Variants in CCDC25 observed in about 807,000 individuals in gnomAD.
The protein encoded by CCDC25 is coiled-coil domain-containing protein 25.
Under a neutral mutation model 35.3 loss-of-function variants are expected in CCDC25, and 16 were observed. The ratio of observed to expected loss-of-function variants is 0.45; its 90% CI spans 0.31 to 0.69. The LOEUF (loss-of-function observed/expected upper bound fraction) is 0.69. Among genes scored for constraint, CCDC25 ranks in the 30% least tolerant of loss-of-function variants. The probability of loss-of-function intolerance (pLI) is 0.06; values close to 1 mark genes in which losing one functional copy is unlikely to be tolerated. For missense variants in CCDC25, 179 were observed against 250.7 expected (o/e 0.71, Z 1.93); for synonymous variants, 79 against 80.3 (o/e 0.98, Z 0.09).
At chr8:27,768,748 C>A (rs1017183221) in intron 1 of CCDC25, among the ~76,000 whole-genome samples, 29 of 152,156 alleles carry the variant, frequency 1.9e-4, no homozygotes, top group African/African-American at 7.0e-4. Flanking sequence ...TTGGAAGACA[C>A]TTGACTTACG....
intron 8 of CCDC25, among the ~76,000 whole-genome samples, chr8:27,740,251 A>C (rs751397455): frequency 1.2e-4 from 19 of 152,214 alleles, no homozygotes; most frequent in Non-Finnish European, 2.8e-4. Context: ...AAGCTCTGAC[A>C]ATCTCTTTCC....
At chr8:27,751,790 C>A (rs534161412) in intron 5 of CCDC25, among the ~76,000 whole-genome samples, 8 of 152,288 alleles carry the variant, frequency 5.3e-5, no homozygotes, top group Non-Finnish European at 1.2e-4. Context: ...CCCTTCATGA[C>A]TATGAGATGA....
At chr8:27,745,070 A>G (rs1020573456) in intron 7 of CCDC25, among the ~76,000 whole-genome samples, 5 of 152,124 alleles carry the variant, frequency 3.3e-5, no homozygotes, top group African/African-American at 1.2e-4. Context: ...CAGTGAGCTC[A>G]CTGCAGCCTC....
chr8:27,772,362 C>A (rs1482892135), intron 1 of CCDC25, 151 bp downstream of exon 1: 4 of 723,340 alleles, frequency 5.5e-6, no homozygotes, highest in Non-Finnish European at 9.5e-6. Flanking sequence ...GTGGGAGGGA[C>A]GGATGTGCTG....
At chr8:27,759,873 G>C (rs4538825) in intron 3 of CCDC25, among the ~76,000 whole-genome samples, 66,539 of 151,478 alleles carry the variant, frequency 0.44, 15,087 homozygotes, top group Middle Eastern at 0.51. Context: ...GGTTTTCCGG[G>C]ATAAATCCAG....
rs749882415 is a variant in CCDC25, at chr8:27,736,207, T to C, written c.*9A>G. On this transcript the variant is annotated 3_prime_UTR_variant, in exon 9 of 9. Coordinates refer to ENST00000356537, the MANE Select transcript of CCDC25 (RefSeq NM_018246.3). ...CATCTTTCAAAGGTCCTTTTCTCCT[T>C]TTCTCCTTTTACATGAATTCATCTG... The C allele has an allele frequency of 1.2e-6, 2 of 1,608,964 alleles. No individual in the cohort carries two copies. The highest frequency in any genetic ancestry group is 1.7e-6 in the Non-Finnish European group (2 of 1,178,170).
rs1187940435 is a variant in CCDC25 at position 27,735,404 on chromosome 8, G to C, written c.*812C>G. ...ACTTCTGCTTCACGCTGCATCCTAA[G>C]GCACAAATCAGGTAACCTACATCTC... On this transcript the variant is annotated 3_prime_UTR_variant, in exon 9 of 9. Coordinates refer to ENST00000356537, the MANE Select transcript of CCDC25 (RefSeq NM_018246.3). 6.6e-6 allele frequency: 1 copy of C among 152,136 alleles called. No homozygotes were observed. Among genetic ancestry groups the C allele is most frequent in the African/African-American group, 2.4e-5 (1 of 41,402 alleles). 9.4% of individuals were successfully genotyped at this position (152,136 alleles called of 1,614,324 possible).
chr8:27,748,006 G>C, intron 7 of CCDC25, 71 bp downstream of exon 7: 1 of 1,421,394 alleles, frequency 7.0e-7, no homozygotes, highest in South Asian at 1.2e-5. Flanking sequence ...CGTTCTTAAT[G>C]GCTAATACAT....
At chr8:27,751,596 C>G (rs1344971799) in intron 5 of CCDC25, among the ~76,000 whole-genome samples, 1 of 152,204 alleles carries the variant, frequency 6.6e-6, no homozygotes, top group African/African-American at 2.4e-5. Flanking sequence ...CTTCCCAAAC[C>G]ATGATTGCTT....
At chr8:27,764,489 G>T in intron 2 of CCDC25, 1 of 381,116 alleles carries the variant, frequency 2.6e-6, no homozygotes, top group Admixed American at 3.0e-5. Context: ...ATGTTGCTCA[G>T]GCAGGTCTCG....
intron 2 of CCDC25, chr8:27,764,543 T>C: frequency 3.0e-6 from 1 of 330,800 alleles, no homozygotes; most frequent in Non-Finnish European, 6.1e-6. Context: ...CCTGTCAAAG[T>C]GTTGGGATTA....
chr8:27,760,358 G>C (rs17478040), intron 3 of CCDC25, among the ~76,000 whole-genome samples: 39,876 of 152,036 alleles, frequency 0.26, 6,229 homozygotes, highest in Middle Eastern at 0.37. Context: ...AACCTGATAG[G>C]TTAAAAATTT....
intron 7 of CCDC25, among the ~76,000 whole-genome samples, chr8:27,747,029 T>TA (rs941398201): frequency 1.8e-4 from 28 of 152,196 alleles, no homozygotes; most frequent in African/African-American, 6.7e-4. Context: ...GTATTGCAAA[T>TA]AAACAAACAT....
At chr8:27,740,553 A>G (rs753039774) in intron 7 of CCDC25, 36 bp from the exon 8 acceptor site, 4 of 1,570,936 alleles carry the variant, frequency 2.5e-6, no homozygotes, top group African/African-American at 2.7e-5. Flanking sequence ...CATTTAAAAT[A>G]TGGTGATCCA....
Position 27,752,516 on chromosome 8 carries a change from A to T in CCDC25, c.240T>A (p.Ile80=), listed in dbSNP as rs371706799. 2.7e-5 allele frequency: 43 copies of T among 1,612,396 alleles called. No homozygotes were observed. Among genetic ancestry groups the T allele is most frequent in the Non-Finnish European group, 3.3e-5 (39 of 1,178,670 alleles). ...AACACCTCTAGGAAAACTGACCTTG[A>T]ATGCTATTGGCCTTCACAAGGTGGG... is the stretch of plus-strand genomic sequence containing the variant. ...DCAHLVKANS[I]QGCKMNNVNV... The change falls in exon 5 of 9, where the codon ATT becomes ATA. Residue 80 remains isoleucine (I), a synonymous_variant. Coordinates refer to ENST00000356537, the MANE Select transcript of CCDC25 (RefSeq NM_018246.3).
intron 3 of CCDC25, among the ~76,000 whole-genome samples, chr8:27,758,333 T>C (rs1409291528): frequency 2.6e-5 from 4 of 152,252 alleles, no homozygotes; most frequent in Admixed American, 6.5e-5. Context: ...AAGTGCCCTC[T>C]TTAAAGAGGT....
intron 2 of CCDC25, among the ~76,000 whole-genome samples, chr8:27,764,713 ACATT>A (rs1205732321): frequency 6.6e-6 from 1 of 152,220 alleles, no homozygotes; most frequent in African/African-American, 2.4e-5. Context: ...CCTACAATAG[ACATT>A]CAAAGGATTC....
In CCDC25 at chr8:27,762,279, A is replaced by G. The variant is rs375933894; in HGVS notation, c.116+140T>C. On this transcript the variant is annotated intron_variant, in intron 3 of 8. Transcript: ENST00000356537. ...TTTCCAACTTGCAAGGTAATTAGAA[A>G]TGAAGGAACTGGCAGTCAGCTGTTT... 210 of 710,622 alleles carry G rather than the reference A, an allele frequency of 3.0e-4. 2 individuals carry two copies. The African/African-American group carries it at 3.3e-3, about 11-fold the overall frequency. The allele number at this position is 710,622 out of a possible 1,614,324, so 44.0% of individuals were successfully genotyped here.
At chr8:27,740,395 T>C (rs1337742283) in intron 8 of CCDC25, 77 bp downstream of exon 8, 1 of 1,404,238 alleles carries the variant, frequency 7.1e-7, no homozygotes, top group Admixed American at 1.9e-5. Flanking sequence ...AAGGCAATAA[T>C]GGCCAGTAAC....
Sources: allele counts gnomAD v4.1 joint callset (sites outside exome capture counted in the v4.1 genomes callset), GRCh38; gene constraint gnomAD v4.1.1; transcripts MANE v1.5; gene names NCBI Gene and HGNC (gene_info 2026-07-23, HGNC 2026-07-21).